Variants in MAST4 observed in about 807,000 individuals in gnomAD.
MAST4 encodes the protein microtubule associated serine/threonine kinase family member 4.
In MAST4, 89 loss-of-function variants were observed where a neutral mutation model predicts 162.7. That is an observed-to-expected ratio of 0.55 (90% confidence interval 0.46 to 0.65). MAST4 has a LOEUF of 0.65. Ranked by LOEUF, MAST4 falls within the 30% of genes least tolerant of loss-of-function variation. MAST4 has a pLI of 0.00. For synonymous variants in MAST4, 1,479 were observed against 1,361.1 expected (o/e 1.09, Z -1.91); for missense variants, 3,153 against 3,374.0 (o/e 0.93, Z 1.62).
intron 23 of MAST4, among the ~76,000 whole-genome samples, chr5:67,147,306 T>A (rs892978260): frequency 1.3e-5 from 2 of 152,182 alleles, no homozygotes; most frequent in African/African-American, 4.8e-5. Context: ...AAATTAAATT[T>A]GTTGATTTTT....
At chr5:67,046,331 A>G (rs2150513768) in intron 4 of MAST4, among the ~76,000 whole-genome samples, 1 of 152,340 alleles carries the variant, frequency 6.6e-6, no homozygotes, top group East Asian at 1.9e-4. Context: ...ATAATCTGCA[A>G]TGCATAGTGT....
At chr5:66,934,214 C>CTTTATTTTATTTTAT (rs541639193) in intron 4 of MAST4, among the ~76,000 whole-genome samples, 139 of 150,134 alleles carry the variant, frequency 9.3e-4, no homozygotes, top group African/African-American at 3.2e-3. Context: ...CAGAGGCTTC[C>CTTTATTTTATTTTAT]TTTATTTTAT....
intron 1 of MAST4, among the ~76,000 whole-genome samples, chr5:66,699,928 AC>A (rs1256560019): frequency 3.9e-5 from 6 of 152,100 alleles, no homozygotes; most frequent in Non-Finnish European, 8.8e-5. Flanking sequence ...AAAAAAAAAA[AC>A]AAACCCCAAA....
chr5:67,102,564 C>G lies in MAST4; in HGVS notation c.1099C>G (p.His367Asp). The change falls in exon 9 of 29, where the codon CAT (histidine) becomes GAT (aspartate). Residue 367 changes from histidine (H) to aspartate (D), a missense_variant. Around this residue, in one of 7 missense-constraint regions of MAST4, gnomAD observed 360 missense variants for 450.0 expected, o/e 0.80. Transcript: ENST00000403625. ...TGGACGTTCTCCCGCCTGCTGTGAC[C>G]ATGAAATAATTATGATGAACCATGT... ...SPGRSPACCDHEIIMMNHVYK... is the reference protein window; with the variant it reads ...SPGRSPACCDDEIIMMNHVYK... The G allele has an allele frequency of 6.2e-7, 1 of 1,613,876 alleles. No individual in the cohort carries two copies. Among genetic ancestry groups the G allele is most frequent in the Non-Finnish European group, 8.5e-7 (1 of 1,179,842 alleles).
intron 5 of MAST4, among the ~76,000 whole-genome samples, chr5:67,056,799 A>T (rs896338041): frequency 6.6e-6 from 1 of 152,038 alleles, no homozygotes. Context: ...TGGGTTCAAG[A>T]GATTCTCATG....
intron 4 of MAST4, among the ~76,000 whole-genome samples, chr5:67,024,037 A>G (rs930400522): frequency 6.6e-6 from 1 of 151,386 alleles, no homozygotes; most frequent in Non-Finnish European, 1.5e-5. Context: ...AACAAACTCT[A>G]CTCATTAAAG....
At chr5:66,677,923 C>T (rs1267106751) in intron 1 of MAST4, among the ~76,000 whole-genome samples, 1 of 152,114 alleles carries the variant, frequency 6.6e-6, no homozygotes, top group African/African-American at 2.4e-5. Context: ...TTCCCGCATC[C>T]AATCCCTCCC....
intron 3 of MAST4, among the ~76,000 whole-genome samples, chr5:66,850,024 C>T (rs1324415074): frequency 6.6e-6 from 1 of 152,146 alleles, no homozygotes; most frequent in African/African-American, 2.4e-5. Context: ...ATGATGAATT[C>T]TGGATTCTTG....
At chr5:66,980,730 A>G (rs534764763) in intron 4 of MAST4, among the ~76,000 whole-genome samples, 1 of 152,348 alleles carries the variant, frequency 6.6e-6, no homozygotes, top group South Asian at 2.1e-4. Context: ...CTCAGAGATA[A>G]TGTTTACGTA....
At chr5:67,040,437 G>A (rs1047397649) in intron 4 of MAST4, among the ~76,000 whole-genome samples, 1 of 152,170 alleles carries the variant, frequency 6.6e-6, no homozygotes, top group Non-Finnish European at 1.5e-5. Flanking sequence ...CACTGTGGAG[G>A]AAGGAGCGTC....
intron 3 of MAST4, among the ~76,000 whole-genome samples, chr5:66,871,205 T>G: frequency 6.6e-6 from 1 of 152,236 alleles, no homozygotes; most frequent in Non-Finnish European, 1.5e-5. Context: ...TTGTATTATG[T>G]AGTTTTTCCA....
Position 66,788,786 on chromosome 5 carries a change from G to T in MAST4, c.634G>T (p.Ala212Ser). ...ALGQSAPSLTASLKELSLPRR... is the reference protein window; with the variant it reads ...ALGQSAPSLTSSLKELSLPRR... ...GGGCCAGTCGGCGCCCTCGCTCACCGCCAGCCTGGTGAGTGTCCGCGGGCG... is the reference window on the plus strand; with the variant it reads ...GGGCCAGTCGGCGCCCTCGCTCACCTCCAGCCTGGTGAGTGTCCGCGGGCG... The change falls in exon 3 of 29, where the codon GCC becomes TCC. Residue 212 changes from alanine (A) to serine (S), a missense_variant. By Grantham distance (99) the Ala-to-Ser change is moderately conservative. Around this residue, in one of 7 missense-constraint regions of MAST4, gnomAD observed 327 missense variants for 336.5 expected, o/e 0.97. Coordinates refer to ENST00000403625, the MANE Select transcript of MAST4 (RefSeq NM_001164664.2). 6.3e-7 allele frequency: 1 copy of T among 1,586,608 alleles called. No homozygotes were observed. Among genetic ancestry groups the T allele is most frequent in the South Asian group, 1.1e-5 (1 of 87,658 alleles).
intron 10 of MAST4, among the ~76,000 whole-genome samples, chr5:67,109,552 G>A (rs1427317839): frequency 2.0e-5 from 3 of 151,932 alleles, no homozygotes; most frequent in Non-Finnish European, 4.4e-5. Flanking sequence ...TACCCAACTG[G>A]TATATACTTT....
At chr5:67,068,407 A>G (rs1480045658) in intron 5 of MAST4, among the ~76,000 whole-genome samples, 3 of 152,194 alleles carry the variant, frequency 2.0e-5, no homozygotes, top group African/African-American at 7.2e-5. Flanking sequence ...GCGGCAGGAA[A>G]GAGTGAGAGC....
At chr5:66,921,021 T>C (rs1331152124) in intron 4 of MAST4, among the ~76,000 whole-genome samples, 1 of 152,064 alleles carries the variant, frequency 6.6e-6, no homozygotes, top group East Asian at 1.9e-4. Flanking sequence ...TGGACCAAGA[T>C]GCCCAAAAAG....
chr5:66,974,196 A>G (rs1747826350), intron 4 of MAST4, among the ~76,000 whole-genome samples: 1 of 152,216 alleles, frequency 6.6e-6, no homozygotes, highest in South Asian at 2.1e-4. Context: ...CTGATATATA[A>G]CATTTATTTA....
intron 4 of MAST4, among the ~76,000 whole-genome samples, chr5:67,035,133 A>C (rs1227389063): frequency 6.6e-6 from 1 of 152,154 alleles, no homozygotes; most frequent in Non-Finnish European, 1.5e-5. Context: ...AAGTTCACCA[A>C]ACCTGCCAAA....
intron 4 of MAST4, among the ~76,000 whole-genome samples, chr5:66,988,222 C>A (rs1749722024): frequency 6.6e-6 from 1 of 152,200 alleles, no homozygotes; most frequent in African/African-American, 2.4e-5. Context: ...GATTCTGTCA[C>A]TGACCTTTAA....
At position 67,000,496 on chromosome 5, in the gene MAST4, A is replaced by G. The variant is rs1239722675; in HGVS notation, c.675-53908A>G. ...CCGGCTGTGGTGGCTCACGCCTGTA[A>G]GCACTTTGGGAGGCTGAGGCGGGTG... On this transcript the variant is annotated intron_variant, in intron 4 of 28. Coordinates refer to ENST00000403625, the MANE Select transcript of MAST4 (RefSeq NM_001164664.2). Among the ~76,000 whole-genome samples, 4 of 152,306 alleles carry G rather than the reference A, an allele frequency of 2.6e-5. No homozygotes were observed. In the East Asian group the frequency reaches 7.7e-4, roughly 29 times the overall value.
Sources: allele counts gnomAD v4.1 joint callset (sites outside exome capture counted in the v4.1 genomes callset), GRCh38; gene constraint gnomAD v4.1.1; regional missense constraint gnomAD v4.1.1; transcripts MANE v1.5; gene names NCBI Gene and HGNC (gene_info 2026-07-23, HGNC 2026-07-21).